The following LELP1 variants were observed in gnomAD, a reference collection of about 807,000 sequenced individuals.
LELP1 encodes late cornified envelope like proline rich 1.
In LELP1, 1 loss-of-function variant was observed where a neutral mutation model predicts 0.3. The ratio of observed to expected loss-of-function variants is 2.87; its 90% confidence interval spans 1.02 to 13.63. The LOEUF (loss-of-function observed/expected upper bound fraction) is 13.63. Among genes scored for constraint, LELP1 ranks in the 30% most tolerant of loss-of-function variants. The pLI, the probability that LELP1 is intolerant of heterozygous loss-of-function variation, is 0.12. For synonymous variants in LELP1, 57 were observed against 45.9 expected, an observed-to-expected ratio of 1.24 and a Z score of -0.97; for missense variants, 122 against 118.7, an observed-to-expected ratio of 1.03 and a Z score of -0.13.
Position 153,204,765 on chromosome 1 carries a change from G to A in LELP1, c.58G>A (p.Asp20Asn), listed in dbSNP as rs751089346. Reference protein sequence around the residue: ...NDPKTEPKNCDPKCEQKCESK... With the variant: ...NDPKTEPKNCNPKCEQKCESK... ...CCCCAAGACTGAGCCCAAGAACTGC[G>A]ATCCCAAGTGTGAACAAAAGTGTGA... Residue 20 changes from aspartate to asparagine, a missense_variant, in exon 2 of 2, where the codon GAT becomes AAT. Coordinates refer to ENST00000368747, the MANE Select transcript of LELP1 (RefSeq NM_001010857.3). 2.5e-5 allele frequency: 41 copies of A among 1,613,900 alleles called. No individual in the cohort carries two copies. The Admixed American group carries it at 2.8e-4, about 11-fold the overall frequency.
chr1:153,204,176 G>A (rs1265183562), intron 1 of LELP1, among the ~76,000 whole-genome samples: 1 of 152,112 alleles, frequency 6.6e-6, no homozygotes, highest in Non-Finnish European at 1.5e-5. Flanking sequence ...GGGAACTTAG[G>A]TGGGACACAG....
At chr1:153,204,561 C>G in intron 1 of LELP1, 126 bp from the exon 2 acceptor site, 1 of 717,696 alleles carries the variant, frequency 1.4e-6, no homozygotes, top group Non-Finnish European at 2.4e-6. Flanking sequence ...GAGGGCGGCC[C>G]TAAATGAGAA....
In LELP1 at chr1:153,205,090, T is replaced by C; in HGVS notation, c.*86T>C. 9.8e-7 allele frequency: 1 copy of C among 1,024,566 alleles called. No individual in the cohort carries two copies. The highest frequency in any genetic ancestry group is 2.3e-5 in the Admixed American group (1 of 43,274). The allele number at this position is 1,024,566 out of a possible 1,614,324, so 63.5% of individuals were successfully genotyped here. A position where few individuals can be genotyped will look rare whatever the true frequency, so the allele number is the denominator to read the frequency against. On this transcript the variant is annotated 3_prime_UTR_variant, in exon 2 of 2. Coordinates refer to ENST00000368747, the MANE Select transcript of LELP1 (RefSeq NM_001010857.3). ...GGGGCTGGAGACTGAAACCATGAAC[T>C]GACAAGTAAACGTGTTCCTCTGCTG...
chr1:153,204,848 C>A lies in LELP1; in HGVS notation c.141C>A (p.Cys47Ter). The A allele has an allele frequency of 6.2e-7, 1 of 1,614,026 alleles. No homozygotes were observed. The highest frequency in any genetic ancestry group is 8.5e-7 in the Non-Finnish European group (1 of 1,180,024). Residue 47 changes from cysteine (C) to a stop codon, truncating the protein, a stop_gained, in exon 2 of 2, where the codon TGC becomes TGA. Transcript: ENST00000368747. LOFTEE classifies it low-confidence loss of function (END_TRUNC). Reference sequence around the variant, plus strand: ...TGCTGCAACGCTGTTTCGAAAAGTGCCCATGGGAAAAGTGTCCAGCACCAC... The same window carrying A: ...TGCTGCAACGCTGTTTCGAAAAGTGACCATGGGAAAAGTGTCCAGCACCAC... ...KKLLQRCFEK[C>*]PWEKCPAPPK...
chr1:153,204,285 G>A (rs372060977), intron 1 of LELP1, among the ~76,000 whole-genome samples: 7 of 152,142 alleles, frequency 4.6e-5, no homozygotes, highest in Admixed American at 3.3e-4. Flanking sequence ...AACTTCTATT[G>A]TGCCATGAAT....
At position 153,204,955 on chromosome 1, in the gene LELP1, C is replaced by G; in HGVS notation, c.248C>G (p.Pro83Arg). The change falls in exon 2 of 2, where the codon CCT becomes CGT. Residue 83 changes from proline to arginine, a missense_variant. By Grantham distance (103) the Pro-to-Arg change is moderately radical (BLOSUM62 -2). Coordinates refer to ENST00000368747, the MANE Select transcript of LELP1 (RefSeq NM_001010857.3). ...ACCAAGCCCTGTCCTCCTAAATGCC[C>G]TTCATCCTGCCCACATGCTTGCCCA... ...PCTKPCPPKC[P>R]SSCPHACPPP... 6.2e-7 allele frequency: 1 copy of G among 1,614,006 alleles called. No individual in the cohort carries two copies. The highest frequency in any genetic ancestry group is 2.2e-5 in the East Asian group (1 of 44,874).
rs748074067 is a variant in LELP1 at position 153,204,925 on chromosome 1, C to G, written c.218C>G (p.Pro73Arg). The G allele has an allele frequency of 2.5e-6, 4 of 1,613,964 alleles. No homozygotes were observed. The South Asian group carries it at 4.4e-5, about 18-fold the overall frequency. Residue 73 changes from proline to arginine, a missense_variant, in exon 2 of 2, where the codon CCC (proline) becomes CGC (arginine). Transcript: ENST00000368747. ...SQSPSSCPPQ[P>R]CTKPCPPKCP... ...TCTCCTTCATCCTGCCCTCCCCAGC[C>G]CTGCACCAAGCCCTGTCCTCCTAAA...
rs767013309 is a variant in LELP1 at position 153,204,988 on chromosome 1, G to A, written c.281G>A (p.Cys94Tyr). The A allele has an allele frequency of 1.2e-6, 2 of 1,612,536 alleles. No homozygotes were observed. The highest frequency in any genetic ancestry group is 2.2e-5 in the South Asian group (2 of 91,016). ...TGCCCACATGCTTGCCCACCTCCCT[G>A]CCCTCCCCCAGAGTGAGGCACTGTG... ...SSCPHACPPPCPPPE is the reference protein window; with the variant it reads ...SSCPHACPPPYPPPE The change falls in exon 2 of 2, where the codon TGC becomes TAC. Residue 94 changes from cysteine to tyrosine, a missense_variant. Physicochemically the swap from Cys to Tyr is radical, Grantham distance 194. Coordinates refer to ENST00000368747, the MANE Select transcript of LELP1 (RefSeq NM_001010857.3).
At position 153,204,770 on chromosome 1, in the gene LELP1, C is replaced by T. The variant is rs1184035234; in HGVS notation, c.63C>T (p.Pro21=). 5 of 1,614,008 alleles carry T rather than the reference C, an allele frequency of 3.1e-6. No individual in the cohort carries two copies. The South Asian group carries it at 5.5e-5, about 18-fold the overall frequency. The change falls in exon 2 of 2, where the codon CCC becomes CCT. Residue 21 remains proline (P), a synonymous_variant. Transcript: ENST00000368747. ...DPKTEPKNCD[P]KCEQKCESKC... is the part of the protein sequence containing the mutation. ...AGACTGAGCCCAAGAACTGCGATCC[C>T]AAGTGTGAACAAAAGTGTGAGTCCA... is the stretch of plus-strand genomic sequence containing the variant.
At position 153,204,475 on chromosome 1, in the gene LELP1, A is replaced by C. The variant is rs75594315; in HGVS notation, c.-21-212A>C. Among the ~76,000 whole-genome samples the C allele has an allele frequency of 2.6e-4, 39 of 152,310 alleles. No individual in the cohort carries two copies. The East Asian group carries it at 7.5e-3, about 29-fold the overall frequency. On this transcript the variant is annotated intron_variant, in intron 1 of 1. Coordinates refer to ENST00000368747, the MANE Select transcript of LELP1 (RefSeq NM_001010857.3). ...CTCCTACTAGAGTCTATAGCATGGA[A>C]GCAAGAATAAGTGAAAAGGAAGCAG...
In LELP1 at chr1:153,204,938, C is replaced by T. The variant is rs1657721548; in HGVS notation, c.231C>T (p.Pro77=). Residue 77 remains proline (P), a synonymous_variant, in exon 2 of 2, where the codon CCC becomes CCT. Coordinates refer to ENST00000368747, the MANE Select transcript of LELP1 (RefSeq NM_001010857.3). ...SSCPPQPCTK[P]CPPKCPSSCP... Reference sequence around the variant, plus strand: ...GCCCTCCCCAGCCCTGCACCAAGCCCTGTCCTCCTAAATGCCCTTCATCCT... The same window carrying T: ...GCCCTCCCCAGCCCTGCACCAAGCCTTGTCCTCCTAAATGCCCTTCATCCT... The T allele has an allele frequency of 1.2e-6, 2 of 1,614,028 alleles. No homozygotes were observed. The highest frequency in any genetic ancestry group is 2.7e-5 in the African/African-American group (2 of 75,010).
intron 1 of LELP1, among the ~76,000 whole-genome samples, chr1:153,204,215 G>A (rs1174370613): frequency 6.6e-6 from 1 of 152,180 alleles, no homozygotes; most frequent in Non-Finnish European, 1.5e-5. Context: ...AGGCCCCCAA[G>A]TCTGCTAGTG....
chr1:153,204,330 T>C (rs1657707405), intron 1 of LELP1, among the ~76,000 whole-genome samples: 1 of 152,132 alleles, frequency 6.6e-6, no homozygotes, highest in Non-Finnish European at 1.5e-5. Context: ...AGGGACTCCT[T>C]GGAATCATGT....
At position 153,204,596 on chromosome 1, in the gene LELP1, T is replaced by A. The variant is rs1362912465; in HGVS notation, c.-21-91T>A. ...AGATGATCTAGAGCCTGAATGCATC[T>A]CAGGGAAGACTTTCTTAAGTACAAG... On this transcript the variant is annotated intron_variant, in intron 1 of 1. Coordinates refer to ENST00000368747, the MANE Select transcript of LELP1 (RefSeq NM_001010857.3). 2.9e-5 allele frequency: 27 copies of A among 931,114 alleles called. No homozygotes were observed. The East Asian group carries it at 5.5e-4, about 19-fold the overall frequency. The allele number at this position is 931,114 out of a possible 1,614,324, so 57.7% of individuals were successfully genotyped here. A position where few individuals can be genotyped will look rare whatever the true frequency, so the allele number is the denominator to read the frequency against.
intron 1 of LELP1, among the ~76,000 whole-genome samples, chr1:153,204,000 G>A (rs774641308): frequency 7.2e-5 from 11 of 152,108 alleles, no homozygotes; most frequent in South Asian, 2.1e-4. Context: ...TTGGAATTTC[G>A]TGGTTCATCT....
intron 1 of LELP1, 28 bp from the exon 2 acceptor site, chr1:153,204,659 C>T: frequency 6.5e-7 from 1 of 1,536,700 alleles, no homozygotes. Flanking sequence ...CCTCTCCCAC[C>T]TACAATGCAT....
At position 153,205,076 on chromosome 1, in the gene LELP1, C is replaced by A; in HGVS notation, c.*72C>A. The A allele has an allele frequency of 8.5e-7, 1 of 1,174,854 alleles. No homozygotes were observed. The highest frequency in any genetic ancestry group is 1.2e-6 in the Non-Finnish European group (1 of 811,526). 72.8% of individuals were successfully genotyped at this position (1,174,854 alleles called of 1,614,324 possible). A position where few individuals can be genotyped will look rare whatever the true frequency, so the allele number is the denominator to read the frequency against. On this transcript the variant is annotated 3_prime_UTR_variant, in exon 2 of 2. Coordinates refer to ENST00000368747, the MANE Select transcript of LELP1 (RefSeq NM_001010857.3). ...ATGTACAACGCTGTGGGGCTGGAGA[C>A]TGAAACCATGAACTGACAAGTAAAC...
chr1:153,205,025 A>C lies in LELP1; in HGVS notation c.*21A>C. On this transcript the variant is annotated 3_prime_UTR_variant, in exon 2 of 2. Transcript: ENST00000368747. ...AGTGAGGCACTGTGGGCACTACCCAACCCCACCACCACTGCCACCTCCACC... is the reference window on the plus strand; with the variant it reads ...AGTGAGGCACTGTGGGCACTACCCACCCCCACCACCACTGCCACCTCCACC... 1 of 1,578,938 alleles carries C rather than the reference A, an allele frequency of 6.3e-7. No homozygotes were observed. The highest frequency in any genetic ancestry group is 1.1e-5 in the South Asian group (1 of 89,840).
At position 153,205,011 on chromosome 1, in the gene LELP1, G is replaced by A. The variant is rs750606069; in HGVS notation, c.*7G>A. Reference sequence around the variant, plus strand: ...CTGCCCTCCCCCAGAGTGAGGCACTGTGGGCACTACCCAACCCCACCACCA... The same window carrying A: ...CTGCCCTCCCCCAGAGTGAGGCACTATGGGCACTACCCAACCCCACCACCA... On this transcript the variant is annotated 3_prime_UTR_variant, in exon 2 of 2. Coordinates refer to ENST00000368747, the MANE Select transcript of LELP1 (RefSeq NM_001010857.3). 4 of 1,605,116 alleles carry A rather than the reference G, an allele frequency of 2.5e-6. No homozygotes were observed. The South Asian group carries it at 4.4e-5, about 18-fold the overall frequency.
Sources: allele counts gnomAD v4.1 joint callset (sites outside exome capture counted in the v4.1 genomes callset), GRCh38; gene constraint gnomAD v4.1.1; transcripts MANE v1.5; gene names NCBI Gene and HGNC (gene_info 2026-07-23, HGNC 2026-07-21).